The following ADAMTS3 variants were observed in gnomAD, a reference collection of about 807,000 sequenced individuals.
ADAMTS3 encodes the protein ADAM metallopeptidase with thrombospondin type 1 motif 3.
ADAMTS3 carries 73 observed loss-of-function variants against 129.0 expected under a neutral mutation model. The ratio of observed to expected loss-of-function variants is 0.57; its 90% CI spans 0.47 to 0.69. The LOEUF (loss-of-function observed/expected upper bound fraction) is 0.69. Among genes scored for constraint, ADAMTS3 ranks in the 30% least tolerant of loss-of-function variants. The pLI, the probability that ADAMTS3 is intolerant of heterozygous loss-of-function variation, is 0.00. For synonymous variants in ADAMTS3, 477 were observed against 510.8 expected, an observed-to-expected ratio of 0.93 and a Z score of 0.89; for missense variants, 1,457 against 1,514.5, an observed-to-expected ratio of 0.96 and a Z score of 0.63.
At chr4:72,318,810 AG>A (rs2109806230) in intron 9 of ADAMTS3, 106 bp from the exon 10 acceptor site, 1 of 1,179,394 alleles carries the variant, frequency 8.5e-7, no homozygotes, top group South Asian at 1.7e-5. Flanking sequence ...ATTTCATCCC[AG>A]ATCATACAGC....
At chr4:72,517,217 G>A (rs1408747495) in intron 3 of ADAMTS3, among the ~76,000 whole-genome samples, 1 of 152,106 alleles carries the variant, frequency 6.6e-6, no homozygotes, top group African/African-American at 2.4e-5. Context: ...GCTTTTTGAT[G>A]TGCTGCTGGA....
intron 5 of ADAMTS3, among the ~76,000 whole-genome samples, chr4:72,328,212 A>T (rs933561427): frequency 2.6e-5 from 4 of 152,210 alleles, no homozygotes; most frequent in Non-Finnish European, 5.9e-5. Context: ...AGAAGGGGTA[A>T]ACAGAACATT....
At chr4:72,390,080 TTTC>T (rs1721551883) in intron 4 of ADAMTS3, among the ~76,000 whole-genome samples, 1 of 152,116 alleles carries the variant, frequency 6.6e-6, no homozygotes, top group Non-Finnish European at 1.5e-5. Context: ...CTATTTCTAG[TTTC>T]CAGCACTAAT....
rs1283889313 is a variant in ADAMTS3 at position 72,569,104 on chromosome 4, G to A, written c.-342C>T. 9.0e-6 allele frequency: 3 copies of A among 333,660 alleles called. No individual in the cohort carries two copies. The highest frequency in any genetic ancestry group is 4.7e-5 in the South Asian group (1 of 21,124). The allele number at this position is 333,660 out of a possible 1,614,324, so 20.7% of individuals were successfully genotyped here. On this transcript the variant is annotated 5_prime_UTR_variant, in exon 1 of 22. The change creates a premature stop within an existing upstream ORF in the 5' untranslated region. Transcript: ENST00000286657. Reference sequence around the variant, plus strand: ...TATCTCTGCCCAAAGCAGCTTTTTCGAGGCTTTTCGAGCACCATTGGTCCC... The same window carrying A: ...TATCTCTGCCCAAAGCAGCTTTTTCAAGGCTTTTCGAGCACCATTGGTCCC...
intron 3 of ADAMTS3, among the ~76,000 whole-genome samples, chr4:72,471,114 ATCT>A (rs935980441): frequency 6.6e-6 from 1 of 152,182 alleles, no homozygotes; most frequent in Admixed American, 6.5e-5. Flanking sequence ...TTTGGCAAAC[ATCT>A]TCTTGAAAAA....
At chr4:72,450,948 G>T (rs1718383691) in intron 3 of ADAMTS3, among the ~76,000 whole-genome samples, 1 of 129,842 alleles carries the variant, frequency 7.7e-6, no homozygotes, top group African/African-American at 3.1e-5. Flanking sequence ...AGGAAGGAAG[G>T]CAGGCAGGCA....
chr4:72,497,902 G>T (rs979387880), intron 3 of ADAMTS3, among the ~76,000 whole-genome samples: 1 of 151,992 alleles, frequency 6.6e-6, no homozygotes, highest in Non-Finnish European at 1.5e-5. Flanking sequence ...GTGCCTCAAG[G>T]ACTTTTTCTC....
intron 3 of ADAMTS3, among the ~76,000 whole-genome samples, chr4:72,468,133 TC>T (rs1718970307): frequency 2.6e-5 from 4 of 152,124 alleles, no homozygotes; most frequent in Admixed American, 2.6e-4. Flanking sequence ...AGAACATTCT[TC>T]ATTGTATATC....
At chr4:72,525,920 T>C (rs957185271) in intron 3 of ADAMTS3, among the ~76,000 whole-genome samples, 2 of 152,166 alleles carry the variant, frequency 1.3e-5, no homozygotes, top group East Asian at 3.9e-4. Flanking sequence ...ATCATCCCCA[T>C]GTACCTGTGA....
At position 72,313,754 on chromosome 4, in the gene ADAMTS3, T is replaced by G. The variant is rs143547626; in HGVS notation, c.1668A>C (p.Ser556=). The change falls in exon 12 of 22, where the codon TCA becomes TCC. Residue 556 remains serine, a synonymous_variant. Transcript: ENST00000286657. ...NQQKQDGNWG[S]WTKFGSCSRT... is the part of the protein sequence containing the mutation. ...GAGAACAGGAGCCAAATTTAGTCCA[T>G]GACCCCCAATTGCCATCTTGTTTTT... is the stretch of plus-strand genomic sequence containing the variant. The G allele has an allele frequency of 7.4e-5, 120 of 1,613,810 alleles. No homozygotes were observed. In the African/African-American group the frequency reaches 1.4e-3, roughly 19 times the overall value.
chr4:72,380,576 T>C (rs1721260986), intron 4 of ADAMTS3, among the ~76,000 whole-genome samples: 1 of 152,164 alleles, frequency 6.6e-6, no homozygotes, highest in South Asian at 2.1e-4. Flanking sequence ...AAGGTACTTT[T>C]CCCTCTATTC....
At chr4:72,403,363 T>C (rs756422937) in intron 4 of ADAMTS3, among the ~76,000 whole-genome samples, 4 of 152,076 alleles carry the variant, frequency 2.6e-5, no homozygotes, top group Non-Finnish European at 5.9e-5. Flanking sequence ...AAATAAAATA[T>C]AATGTTTCTA....
Position 72,283,364 on chromosome 4 carries a change from G to A in ADAMTS3, c.3390C>T (p.Arg1130=). The A allele has an allele frequency of 1.2e-6, 2 of 1,613,516 alleles. No individual in the cohort carries two copies. The highest frequency in any genetic ancestry group is 1.7e-6 in the Non-Finnish European group (2 of 1,179,554). Residue 1130 remains arginine, a synonymous_variant, in exon 22 of 22, where the codon CGC becomes CGT. Transcript: ENST00000286657. The part of the protein sequence containing the change: ...PNSKPDGANL[R]QRSAQQAGSK... ...TTCCTGCTTGCTGAGCACTCCTCTGGCGTAAATTAGCACCATCAGGTTTAC... is the reference window on the plus strand; with the variant it reads ...TTCCTGCTTGCTGAGCACTCCTCTGACGTAAATTAGCACCATCAGGTTTAC...
intron 4 of ADAMTS3, among the ~76,000 whole-genome samples, chr4:72,382,449 T>G (rs1348157803): frequency 2.6e-5 from 4 of 152,074 alleles, no homozygotes; most frequent in Non-Finnish European, 4.4e-5. Context: ...GTAAATTTGG[T>G]CAACCCCCAT....
At chr4:72,521,783 T>C (rs1486635351) in intron 3 of ADAMTS3, among the ~76,000 whole-genome samples, 1 of 152,204 alleles carries the variant, frequency 6.6e-6, no homozygotes, top group African/African-American at 2.4e-5. Flanking sequence ...ATTCCCATTA[T>C]TATAATAAAG....
intron 4 of ADAMTS3, among the ~76,000 whole-genome samples, chr4:72,369,887 T>C (rs950629187): frequency 4.6e-5 from 7 of 151,986 alleles, no homozygotes; most frequent in African/African-American, 1.4e-4. Flanking sequence ...TATATGCATA[T>C]AAACCGAAAT....
At chr4:72,383,677 G>A (rs184893434) in intron 4 of ADAMTS3, among the ~76,000 whole-genome samples, 6 of 152,108 alleles carry the variant, frequency 3.9e-5, no homozygotes, top group Non-Finnish European at 7.4e-5. Flanking sequence ...CCACAGTGTC[G>A]GTCTAAAACA....
rs151128986 is a variant in ADAMTS3 at position 72,378,504 on chromosome 4, A to G, written c.661+36311T>C. 8.5e-5 allele frequency among the ~76,000 whole-genome samples: 13 copies of G among 152,280 alleles called. No individual in the cohort carries two copies. The East Asian group carries it at 1.7e-3, about 20-fold the overall frequency. On this transcript the variant is annotated intron_variant, in intron 4 of 21. Coordinates refer to ENST00000286657, the MANE Select transcript of ADAMTS3 (RefSeq NM_014243.3). ...AACTTCCGTTTCTGAGTACAGCCAC[A>G]TGAAACCATCTTAGATAGGCCGTTA...
chr4:72,313,540 T>C, intron 12 of ADAMTS3, 137 bp downstream of exon 12: 1 of 817,678 alleles, frequency 1.2e-6, no homozygotes, highest in Non-Finnish European at 1.8e-6. Flanking sequence ...AAACACAGAC[T>C]GGTTTATGAA....
Sources: gnomAD v4.1 joint callset for allele counts (sites outside exome capture counted in the v4.1 genomes callset) on GRCh38, gnomAD v4.1.1 for gene constraint, MANE v1.5 for transcripts, NCBI Gene and HGNC (gene_info 2026-07-23, HGNC 2026-07-21) for gene names.